NCK1: variants seen among roughly 807,000 people sequenced by gnomAD.
NCK1 encodes NCK adaptor protein 1.
A neutral mutation model predicts 36.6 loss-of-function variants in NCK1; 19 were observed. The observed-to-expected ratio is 0.52, with a 90% CI of 0.36 to 0.76. NCK1 has a LOEUF of 0.76. Ranked by LOEUF, NCK1 falls within the 30% of genes least tolerant of loss-of-function variation. NCK1 has a pLI of 0.00. For synonymous variants in NCK1, 165 were observed against 156.0 expected (o/e 1.06, Z -0.43); for missense variants, 358 against 445.6 (o/e 0.80, Z 1.77).
At chr3:136,911,794 A>G (rs920163895) in intron 1 of NCK1, among the ~76,000 whole-genome samples, 2 of 151,806 alleles carry the variant, frequency 1.3e-5, no homozygotes, top group Non-Finnish European at 2.9e-5. Context: ...ACTTTTGTTT[A>G]TTTTGGAAAG....
At chr3:136,890,239 G>A (rs1038628888) in intron 1 of NCK1, among the ~76,000 whole-genome samples, 1 of 152,174 alleles carries the variant, frequency 6.6e-6, no homozygotes, top group African/African-American at 2.4e-5. Flanking sequence ...TTGCTGGCCC[G>A]GGTGCTAAGC....
At chr3:136,934,743 A>G (rs986925127) in intron 2 of NCK1, among the ~76,000 whole-genome samples, 1 of 152,190 alleles carries the variant, frequency 6.6e-6, no homozygotes, top group Non-Finnish European at 1.5e-5. Flanking sequence ...CTTGACCAAG[A>G]TCACACAACC....
intron 1 of NCK1, among the ~76,000 whole-genome samples, chr3:136,906,952 C>A (rs894720531): frequency 3.3e-5 from 5 of 152,148 alleles, no homozygotes; most frequent in African/African-American, 1.2e-4. Context: ...TTAGGCTCCC[C>A]ACTGGTACGT....
At chr3:136,918,509 G>A (rs1381104300) in intron 1 of NCK1, among the ~76,000 whole-genome samples, 1 of 152,164 alleles carries the variant, frequency 6.6e-6, no homozygotes, top group Admixed American at 6.5e-5. Context: ...TCATATAAGA[G>A]ACTTGAGCAT....
chr3:136,894,690 A>G (rs1939344628), intron 1 of NCK1, among the ~76,000 whole-genome samples: 1 of 152,164 alleles, frequency 6.6e-6, no homozygotes, highest in Non-Finnish European at 1.5e-5. Context: ...TCATTTCTAC[A>G]GTAAGTGTAA....
intron 1 of NCK1, among the ~76,000 whole-genome samples, chr3:136,913,258 A>G (rs1451992680): frequency 1.3e-5 from 2 of 151,434 alleles, no homozygotes; most frequent in African/African-American, 4.9e-5. Flanking sequence ...TTTCCTCAGG[A>G]TTTGCTGGGT....
chr3:136,900,375 A>T (rs534226906), intron 1 of NCK1, among the ~76,000 whole-genome samples: 32 of 152,158 alleles, frequency 2.1e-4, no homozygotes, highest in African/African-American at 7.7e-4. Context: ...AGGTAGTTTT[A>T]TTCTTTTTGC....
chr3:136,915,759 T>A (rs1249905057), intron 1 of NCK1, among the ~76,000 whole-genome samples: 1 of 151,122 alleles, frequency 6.6e-6, no homozygotes, highest in African/African-American at 2.4e-5. Flanking sequence ...GGAGTCTCAC[T>A]CCGTCATCCA....
intron 1 of NCK1, among the ~76,000 whole-genome samples, chr3:136,909,308 A>G (rs531702609): frequency 2.1e-4 from 32 of 152,300 alleles, no homozygotes; most frequent in African/African-American, 7.5e-4. Flanking sequence ...TCTTAAAAAT[A>G]CGTAGAAGTT....
rs1940158731 is a variant in NCK1, at chr3:136,923,276, C to T, written c.-18-4708C>T. On this transcript the variant is annotated intron_variant, in intron 1 of 3. Coordinates refer to ENST00000481752, the MANE Select transcript of NCK1 (RefSeq NM_001291999.2). ...CAAAACAAATAAATAGCTGTCCAGG[C>T]CGGGCGCGGTGGCTCACGCCTGTAA... 2.7e-5 allele frequency among the ~76,000 whole-genome samples: 4 copies of T among 148,770 alleles called. No homozygotes were observed. The South Asian group carries it at 8.8e-4, about 33-fold the overall frequency.
chr3:136,945,555 C>T (rs1481906045), intron 2 of NCK1, 28 bp from the exon 3 acceptor site: 29 of 1,406,838 alleles, frequency 2.1e-5, no homozygotes, highest in South Asian at 9.7e-5. Flanking sequence ...TTATATTCTC[C>T]TCTCATGGCC....
intron 1 of NCK1, among the ~76,000 whole-genome samples, chr3:136,910,381 A>G (rs1001214991): frequency 6.6e-6 from 1 of 152,220 alleles, no homozygotes; most frequent in African/African-American, 2.4e-5. Flanking sequence ...TCTCTTATGT[A>G]GAAAATAAAA....
chr3:136,906,499 T>C (rs542830350), intron 1 of NCK1, among the ~76,000 whole-genome samples: 4 of 152,288 alleles, frequency 2.6e-5, no homozygotes, highest in Admixed American at 2.0e-4. Context: ...TTGCCTGTCC[T>C]TGGGCTTCAG....
At chr3:136,925,367 A>C (rs148303547) in intron 1 of NCK1, among the ~76,000 whole-genome samples, 54 of 152,330 alleles carry the variant, frequency 3.5e-4, no homozygotes, top group African/African-American at 1.3e-3. Flanking sequence ...TTATAGATCC[A>C]CATGCAATTC....
chr3:136,931,733 A>T (rs1206724701), intron 2 of NCK1, among the ~76,000 whole-genome samples: 1 of 152,222 alleles, frequency 6.6e-6, no homozygotes, highest in Middle Eastern at 3.2e-3. Flanking sequence ...GTGGAGAGGT[A>T]TATGATGATT....
intron 1 of NCK1, among the ~76,000 whole-genome samples, chr3:136,905,236 T>C (rs1377983667): frequency 6.6e-6 from 1 of 151,928 alleles, no homozygotes; most frequent in Non-Finnish European, 1.5e-5. Flanking sequence ...TAGCCAGTCT[T>C]GTCTTGAACT....
intron 1 of NCK1, among the ~76,000 whole-genome samples, chr3:136,867,057 TTTC>T (rs1938437975): frequency 4.0e-3 from 1 of 252 alleles, no homozygotes; most frequent in Non-Finnish European, 0.014. Flanking sequence ...CTTTTCTTTC[TTTC>T]TTTCTTTCTT....
intron 1 of NCK1, among the ~76,000 whole-genome samples, chr3:136,888,672 T>C (rs1452243747): frequency 1.3e-5 from 2 of 152,056 alleles, no homozygotes; most frequent in Non-Finnish European, 2.9e-5. Context: ...TGGAACACTT[T>C]AATCACCTCC....
Position 136,900,593 on chromosome 3 carries a change from TTTATC to T in NCK1, c.-18-27389_-18-27385del, listed in dbSNP as rs371998280. Among the ~76,000 whole-genome samples, 27 of 152,312 alleles carry T rather than the reference TTTATC, an allele frequency of 1.8e-4. No individual in the cohort carries two copies. The South Asian group carries it at 5.6e-3, about 32-fold the overall frequency. On this transcript the variant is annotated intron_variant, in intron 1 of 3. Transcript: ENST00000481752. ...TTCCATTTGTTTGTGCCCTCTTTAT[TTTATC>T]TAGTGTTTTGTAGTTTTTATAGCTA...
Sources: allele counts gnomAD v4.1 joint callset (sites outside exome capture counted in the v4.1 genomes callset), GRCh38; gene constraint gnomAD v4.1.1; transcripts MANE v1.5; gene names NCBI Gene and HGNC (gene_info 2026-07-23, HGNC 2026-07-21).